The following DIAPH3 variants were observed in gnomAD, a reference collection of about 807,000 sequenced individuals.
DIAPH3 encodes diaphanous related formin 3.
A neutral mutation model predicts 144.3 loss-of-function variants in DIAPH3; 117 were observed. The ratio of observed to expected loss-of-function variants is 0.81; its 90% CI spans 0.70 to 0.95. The LOEUF (loss-of-function observed/expected upper bound fraction) is 0.95, where lower values mean the gene tolerates loss of function less well. Ranked by LOEUF, DIAPH3 falls within the 40% of genes least tolerant of loss-of-function variation. The probability of loss-of-function intolerance (pLI) is 0.00; values close to 1 mark genes in which losing one functional copy is unlikely to be tolerated. For synonymous variants in DIAPH3, 519 were observed against 488.9 expected (o/e 1.06, Z -0.81); for missense variants, 1,421 against 1,412.7 (o/e 1.01, Z -0.09).
intron 27 of DIAPH3, among the ~76,000 whole-genome samples, chr13:59,731,975 T>C (rs1361527107): frequency 6.6e-6 from 1 of 152,162 alleles, no homozygotes; most frequent in Non-Finnish European, 1.5e-5. Context: ...ACTGATTCAC[T>C]GTGCTAAACT....
chr13:59,907,783 T>C (rs1303572828), intron 20 of DIAPH3, among the ~76,000 whole-genome samples: 1 of 152,188 alleles, frequency 6.6e-6, no homozygotes, highest in Non-Finnish European at 1.5e-5. Context: ...AAGAACTGAG[T>C]ACCACAAAAA....
chr13:59,751,265 A>G (rs980402573), intron 27 of DIAPH3, among the ~76,000 whole-genome samples: 2 of 152,270 alleles, frequency 1.3e-5, no homozygotes, highest in Non-Finnish European at 2.9e-5. Flanking sequence ...CAAAATAGCC[A>G]TAGATCAGGC....
At chr13:59,769,683 A>C (rs1291951513) in intron 27 of DIAPH3, among the ~76,000 whole-genome samples, 1 of 151,770 alleles carries the variant, frequency 6.6e-6, no homozygotes, top group African/African-American at 2.4e-5. Flanking sequence ...CATACTAACT[A>C]TGGGGACCTG....
In DIAPH3 at chr13:60,042,676, A is replaced by G. The variant is rs200774224; in HGVS notation, c.626+14T>C. The G allele has an allele frequency of 1.2e-4, 189 of 1,613,396 alleles. No individual in the cohort carries two copies. The highest frequency in any genetic ancestry group is 1.4e-4 in the Non-Finnish European group (171 of 1,179,520). On this transcript the variant is annotated intron_variant, in intron 5 of 27. Transcript: ENST00000400324. ...ATGACATCTGCCCTGTTGGTGTTCA[A>G]ATAGATGAATTACCTCACAGGATTG...
rs55944808 is a variant in DIAPH3 at position 59,856,899 on chromosome 13, TAAA to T, written c.2737+4505_2737+4507del. On this transcript the variant is annotated intron_variant, in intron 22 of 27. Coordinates refer to ENST00000400324, the MANE Select transcript of DIAPH3 (RefSeq NM_001042517.2). ...ACTACATCATATAGGCAGATATTGG[TAAA>T]AAAAAAAAAAAAGTGTCTTTTCATA... Among the ~76,000 whole-genome samples the T allele has an allele frequency of 4.3e-3, 596 of 139,960 alleles. 4 individuals are homozygous for T. The highest frequency in any genetic ancestry group is 0.015 in the African/African-American group (567 of 38,246). The allele number at this position is 139,960 out of a possible 152,430, so 91.8% of individuals were successfully genotyped here.
At chr13:59,846,643 C>G (rs2042649759) in intron 22 of DIAPH3, among the ~76,000 whole-genome samples, 1 of 151,906 alleles carries the variant, frequency 6.6e-6, no homozygotes. Flanking sequence ...TTAAGTAGGT[C>G]TACAACAAAA....
At chr13:59,791,340 C>T (rs533019468) in intron 25 of DIAPH3, among the ~76,000 whole-genome samples, 2 of 152,264 alleles carry the variant, frequency 1.3e-5, no homozygotes, top group South Asian at 4.2e-4. Context: ...TGAATTAAGA[C>T]ACACTAGGAA....
intron 20 of DIAPH3, among the ~76,000 whole-genome samples, chr13:59,896,664 C>T (rs534503656): frequency 1.3e-5 from 2 of 152,224 alleles, no homozygotes; most frequent in African/African-American, 2.4e-5. Flanking sequence ...ATACACAACT[C>T]GTTGATTTTA....
At chr13:59,954,642 G>A (rs1196007491) in intron 17 of DIAPH3, among the ~76,000 whole-genome samples, 3 of 152,110 alleles carry the variant, frequency 2.0e-5, no homozygotes, top group Admixed American at 6.6e-5. Flanking sequence ...CTGAGACTGG[G>A]TAATTTATAA....
chr13:59,887,798 A>G (rs1431631548), intron 20 of DIAPH3, among the ~76,000 whole-genome samples: 2 of 151,978 alleles, frequency 1.3e-5, no homozygotes, highest in African/African-American at 4.8e-5. Context: ...TTCAAAGAGG[A>G]GTGTTAAAGT....
intron 5 of DIAPH3, among the ~76,000 whole-genome samples, chr13:60,026,040 A>G (rs1339263084): frequency 6.6e-6 from 1 of 152,176 alleles, no homozygotes; most frequent in African/African-American, 2.4e-5. Context: ...TATTATTCTT[A>G]AATGTTTTTG....
chr13:60,106,994 GC>G (rs979380932), intron 3 of DIAPH3, among the ~76,000 whole-genome samples: 2 of 152,072 alleles, frequency 1.3e-5, no homozygotes, highest in Non-Finnish European at 2.9e-5. Context: ...ATAACTGAAT[GC>G]AACATATGAT....
intron 25 of DIAPH3, among the ~76,000 whole-genome samples, chr13:59,806,510 AAT>A (rs576522775): frequency 2.3e-3 from 347 of 152,082 alleles, no homozygotes; most frequent in Non-Finnish European, 2.6e-3. Context: ...GATACATACT[AAT>A]AGTCTCCTTA....
In DIAPH3 at chr13:60,047,619, A is replaced by G. The variant is rs935133486; in HGVS notation, c.496-4799T>C. 3.3e-5 allele frequency among the ~76,000 whole-genome samples: 5 copies of G among 152,314 alleles called. No homozygotes were observed. In the East Asian group the frequency reaches 9.6e-4, roughly 29 times the overall value. On this transcript the variant is annotated intron_variant, in intron 4 of 27. Coordinates refer to ENST00000400324, the MANE Select transcript of DIAPH3 (RefSeq NM_001042517.2). Reference sequence around the variant, plus strand: ...CTAGAACAATTGGACTTTCATATGAAAGAAAGTGAACCTGGATCCTAGACC... The same window carrying G: ...CTAGAACAATTGGACTTTCATATGAGAGAAAGTGAACCTGGATCCTAGACC...
chr13:59,703,170 A>G (rs2034210894), intron 27 of DIAPH3, among the ~76,000 whole-genome samples: 1 of 152,238 alleles, frequency 6.6e-6, no homozygotes, highest in African/African-American at 2.4e-5. Context: ...GAGCACTTGA[A>G]ATGGCTAGCT....
In DIAPH3 at chr13:60,054,701, C is replaced by G. The variant is rs150789254; in HGVS notation, c.496-11881G>C. 3.5e-3 allele frequency among the ~76,000 whole-genome samples: 531 copies of G among 152,094 alleles called. 12 individuals are homozygous for G. The East Asian group carries it at 0.047, about 13-fold the overall frequency. On this transcript the variant is annotated intron_variant, in intron 4 of 27. Coordinates refer to ENST00000400324, the MANE Select transcript of DIAPH3 (RefSeq NM_001042517.2). ...GTGCAGTACAAAACAAGGGTAAGCA[C>G]AGTTGCTGCCAAGAGGGTAATTATA...
At chr13:60,137,307 CA>C (rs1305148139) in intron 1 of DIAPH3, among the ~76,000 whole-genome samples, 1 of 152,136 alleles carries the variant, frequency 6.6e-6, no homozygotes, top group African/African-American at 2.4e-5. Context: ...AGCAATGCAT[CA>C]AAACTTTTAT....
chr13:60,059,155 T>C (rs2141283459), intron 4 of DIAPH3, among the ~76,000 whole-genome samples: 1 of 151,916 alleles, frequency 6.6e-6, no homozygotes, highest in East Asian at 1.9e-4. Flanking sequence ...AATACAATGT[T>C]TTAAAAAAAT....
intron 22 of DIAPH3, among the ~76,000 whole-genome samples, chr13:59,847,222 T>G (rs952386632): frequency 4.6e-5 from 7 of 152,218 alleles, no homozygotes; most frequent in Non-Finnish European, 1.0e-4. Flanking sequence ...TAATAACAAA[T>G]GGAATTTGCA....
Sources: gnomAD v4.1 joint callset for allele counts (sites outside exome capture counted in the v4.1 genomes callset) on GRCh38, gnomAD v4.1.1 for gene constraint, MANE v1.5 for transcripts, NCBI Gene and HGNC (gene_info 2026-07-23, HGNC 2026-07-21) for gene names.